CTNNAL1: variants seen among roughly 807,000 people sequenced by gnomAD.
CTNNAL1 encodes the protein alpha-catulin.
In CTNNAL1, 69 loss-of-function variants were observed where a neutral mutation model predicts 93.6. The ratio of observed to expected loss-of-function variants is 0.74; its 90% CI spans 0.61 to 0.90. CTNNAL1 has a LOEUF of 0.90. Among genes scored for constraint, CTNNAL1 ranks in the 40% least tolerant of loss-of-function variants. The probability of loss-of-function intolerance (pLI) is 0.00; values close to 1 mark genes in which losing one functional copy is unlikely to be tolerated. For synonymous variants in CTNNAL1, 286 were observed against 305.4 expected, an observed-to-expected ratio of 0.94 and a Z score of 0.66; for missense variants, 836 against 862.0, an observed-to-expected ratio of 0.97 and a Z score of 0.38.
At chr9:109,002,589 C>A (rs964582427) in intron 1 of CTNNAL1, among the ~76,000 whole-genome samples, 3 of 152,086 alleles carry the variant, frequency 2.0e-5, no homozygotes, top group Non-Finnish European at 4.4e-5. Context: ...GAAGGTGCTA[C>A]CTGGTTTCTT....
At chr9:108,951,056 C>T (rs999504708) in intron 14 of CTNNAL1, among the ~76,000 whole-genome samples, 2 of 151,968 alleles carry the variant, frequency 1.3e-5, no homozygotes, top group African/African-American at 4.8e-5. Flanking sequence ...GTCACCCAGG[C>T]TGGAGTGCAA....
chr9:108,974,139 C>T (rs926666302), intron 8 of CTNNAL1, among the ~76,000 whole-genome samples: 3 of 152,130 alleles, frequency 2.0e-5, no homozygotes, highest in Non-Finnish European at 2.9e-5. Flanking sequence ...CTCTATGCAA[C>T]GTCCTGACAG....
rs531178998 is a variant in CTNNAL1 at position 109,010,943 on chromosome 9, T to C, written c.141+2359A>G. On this transcript the variant is annotated intron_variant, in intron 1 of 18. Coordinates refer to ENST00000325551, the MANE Select transcript of CTNNAL1 (RefSeq NM_003798.4). The stretch of plus-strand genomic sequence containing the variant: ...ATTTGACACTTTGCATGTGCTGTTC[T>C]ATACATGACCTATCTACCAACTAGA... 6.7e-4 allele frequency among the ~76,000 whole-genome samples: 102 copies of C among 152,372 alleles called. 3 individuals are homozygous for C. The South Asian group carries it at 0.02, about 30-fold the overall frequency.
At chr9:109,000,285 T>G (rs965230318) in intron 1 of CTNNAL1, among the ~76,000 whole-genome samples, 6 of 152,184 alleles carry the variant, frequency 3.9e-5, no homozygotes, top group Non-Finnish European at 1.5e-5. Context: ...TATCAGTGAA[T>G]GAGACTAAGA....
At chr9:108,950,953 T>C (rs1830544750) in intron 14 of CTNNAL1, among the ~76,000 whole-genome samples, 1 of 152,092 alleles carries the variant, frequency 6.6e-6, no homozygotes, top group Non-Finnish European at 1.5e-5. Flanking sequence ...ATCTACCTAT[T>C]CTTTTGCTTA....
chr9:108,955,233 A>G (rs838833), intron 12 of CTNNAL1, among the ~76,000 whole-genome samples: 141,600 of 152,188 alleles, frequency 0.93, 65,978 homozygotes, highest in East Asian at 1. Context: ...TAATCCACCC[A>G]CCTCGGCCTC....
chr9:109,005,011 A>G (rs938185196), intron 1 of CTNNAL1, among the ~76,000 whole-genome samples: 3 of 152,102 alleles, frequency 2.0e-5, no homozygotes, highest in Admixed American at 6.5e-5. Flanking sequence ...TAGAATTTGA[A>G]CCCAGGTTTA....
chr9:109,004,919 C>T (rs1239648334), intron 1 of CTNNAL1, among the ~76,000 whole-genome samples: 1 of 152,074 alleles, frequency 6.6e-6, no homozygotes, highest in African/African-American at 2.4e-5. Flanking sequence ...CTTACTTAAT[C>T]CTCAGGTATT....
At chr9:108,971,578 C>A (rs193149045) in intron 9 of CTNNAL1, among the ~76,000 whole-genome samples, 72 of 152,294 alleles carry the variant, frequency 4.7e-4, no homozygotes, top group African/African-American at 1.4e-3. Context: ...GAGTTCCCCC[C>A]CTGTACATAC....
intron 8 of CTNNAL1, 32 bp from the exon 9 acceptor site, chr9:108,972,865 A>ACCCACC: frequency 4.6e-6 from 1 of 219,282 alleles, no homozygotes; most frequent in Non-Finnish European, 6.2e-6. Context: ...GGGGGGTGGG[A>ACCCACC]GGGTGGAGAA....
chr9:109,007,453 T>C (rs535708815), intron 1 of CTNNAL1, among the ~76,000 whole-genome samples: 1 of 152,246 alleles, frequency 6.6e-6, no homozygotes, highest in East Asian at 1.9e-4. Context: ...AAATCTATCA[T>C]AGACAGGAAA....
intron 14 of CTNNAL1, among the ~76,000 whole-genome samples, chr9:108,949,409 T>A (rs1359806027): frequency 6.6e-6 from 1 of 152,212 alleles, no homozygotes; most frequent in Non-Finnish European, 1.5e-5. Flanking sequence ...GATGCTATAA[T>A]CTTTTTTTAA....
At chr9:108,966,677 T>C (rs887327512) in intron 10 of CTNNAL1, among the ~76,000 whole-genome samples, 1 of 152,174 alleles carries the variant, frequency 6.6e-6, no homozygotes, top group Non-Finnish European at 1.5e-5. Flanking sequence ...ATATTAAGCC[T>C]GAGATTTTGG....
chr9:109,010,297 T>C (rs1415215093), intron 1 of CTNNAL1, among the ~76,000 whole-genome samples: 2 of 152,264 alleles, frequency 1.3e-5, no homozygotes, highest in Admixed American at 1.3e-4. Context: ...AATTTACTTG[T>C]AGACTGTTTT....
intron 4 of CTNNAL1, among the ~76,000 whole-genome samples, chr9:108,988,805 A>G (rs10283849): frequency 0.052 from 7,871 of 152,262 alleles, 314 homozygotes; most frequent in Admixed American, 0.12. Context: ...TTACTGTTGA[A>G]TCCTCAACAC....
chr9:108,954,015 T>G (rs1409026372), intron 12 of CTNNAL1, among the ~76,000 whole-genome samples: 1 of 152,206 alleles, frequency 6.6e-6, no homozygotes, highest in East Asian at 1.9e-4. Context: ...ATTCAGAATT[T>G]TATACTTTAT....
intron 11 of CTNNAL1, among the ~76,000 whole-genome samples, chr9:108,959,364 CAAAAAAAA>C (rs36116094): frequency 1.8e-5 from 1 of 55,844 alleles, no homozygotes; most frequent in Non-Finnish European, 3.1e-5. Context: ...GACTCCATAT[CAAAAAAAA>C]AAAAAAAAAA....
intron 1 of CTNNAL1, among the ~76,000 whole-genome samples, chr9:109,000,756 G>A (rs1338670751): frequency 6.6e-6 from 1 of 151,824 alleles, no homozygotes; most frequent in African/African-American, 2.4e-5. Context: ...AAGGAATGAG[G>A]TGAAGTCGGA....
At chr9:109,001,962 A>C (rs2132206076) in intron 1 of CTNNAL1, among the ~76,000 whole-genome samples, 1 of 152,340 alleles carries the variant, frequency 6.6e-6, no homozygotes, top group African/African-American at 2.4e-5. Context: ...CTGTAACAAA[A>C]CTTAAAATGT....
Sources: allele counts gnomAD v4.1 joint callset (sites outside exome capture counted in the v4.1 genomes callset), GRCh38; gene constraint gnomAD v4.1.1; transcripts MANE v1.5; gene names NCBI Gene and HGNC (gene_info 2026-07-23, HGNC 2026-07-21).